Variants in NDRG3 observed in about 807,000 individuals in gnomAD.
NDRG3 encodes NDRG family member 3, also known as protein NDRG3.
A neutral mutation model predicts 57.2 loss-of-function variants in NDRG3; 23 were observed. The observed-to-expected ratio is 0.40, with a 90% CI of 0.29 to 0.57. NDRG3 has a LOEUF of 0.57. NDRG3 is among the 20% of genes least tolerant of loss of function. The pLI is 0.42. For missense variants in NDRG3, 384 were observed against 457.3 expected, an observed-to-expected ratio of 0.84 and a Z score of 1.46; for synonymous variants, 132 against 162.6, an observed-to-expected ratio of 0.81 and a Z score of 1.43.
At chr20:36,684,385 T>C (rs1555800288) in intron 6 of NDRG3, 28 bp downstream of exon 6, 1 of 1,588,402 alleles carries the variant, frequency 6.3e-7, no homozygotes, top group Non-Finnish European at 8.6e-7. Flanking sequence ...CAATAAAAAC[T>C]GCATGAAAGA....
At chr20:36,658,423 A>T (rs762267166) in intron 13 of NDRG3, among the ~76,000 whole-genome samples, 1 of 152,092 alleles carries the variant, frequency 6.6e-6, no homozygotes, top group Non-Finnish European at 1.5e-5. Flanking sequence ...CCCTCCCCAA[A>T]ATTTTTAGAC....
At chr20:36,738,779 T>C (rs1985746663) in intron 1 of NDRG3, among the ~76,000 whole-genome samples, 2 of 139,050 alleles carry the variant, frequency 1.4e-5, no homozygotes, top group South Asian at 2.3e-4. Context: ...ACTGAGATCA[T>C]GCCACTGCAC....
At chr20:36,745,961 C>A in intron 1 of NDRG3, 84 bp downstream of exon 1, 1 of 273,386 alleles carries the variant, frequency 3.7e-6, no homozygotes, top group South Asian at 1.5e-4. Flanking sequence ...GGAGATGATG[C>A]GGGGAAGGAG....
At chr20:36,671,091 C>G (rs1302177924) in intron 9 of NDRG3, among the ~76,000 whole-genome samples, 1 of 152,202 alleles carries the variant, frequency 6.6e-6, no homozygotes, top group Non-Finnish European at 1.5e-5. Flanking sequence ...CAAACATTAA[C>G]AGATGGCATT....
At chr20:36,680,571 A>G (rs1268095400) in intron 8 of NDRG3, among the ~76,000 whole-genome samples, 1 of 152,214 alleles carries the variant, frequency 6.6e-6, no homozygotes, top group East Asian at 1.9e-4. Context: ...TCTGGTAACA[A>G]CAGTCAGAAC....
intron 4 of NDRG3, 136 bp downstream of exon 4, chr20:36,688,543 G>T: frequency 1.5e-6 from 1 of 655,898 alleles, no homozygotes; most frequent in Non-Finnish European, 2.7e-6. Flanking sequence ...TACCATTAAC[G>T]AATGTAGGAA....
intron 2 of NDRG3, among the ~76,000 whole-genome samples, chr20:36,715,169 A>G (rs1209730566): frequency 6.6e-6 from 1 of 151,164 alleles, no homozygotes; most frequent in Non-Finnish European, 1.5e-5. Flanking sequence ...CAATCAGATA[A>G]TCCTCTGCAG....
rs947107436 is a variant in NDRG3, at chr20:36,677,855, G to A, written c.531+2961C>T. 3.9e-5 allele frequency among the ~76,000 whole-genome samples: 6 copies of A among 152,290 alleles called. No homozygotes were observed. The East Asian group carries it at 1.2e-3, about 29-fold the overall frequency. On this transcript the variant is annotated intron_variant, in intron 8 of 15. Coordinates refer to ENST00000349004, the MANE Select transcript of NDRG3 (RefSeq NM_032013.4). Reference sequence around the variant, plus strand: ...GGACAGGAACTCAGGCAAAGGTGCTGTGGCCACAGAAGTTTCTGGCTAGAC... The same window carrying A: ...GGACAGGAACTCAGGCAAAGGTGCTATGGCCACAGAAGTTTCTGGCTAGAC...
At chr20:36,707,131 G>C (rs1306746906) in intron 2 of NDRG3, 124 bp from the exon 3 acceptor site, 2 of 835,236 alleles carry the variant, frequency 2.4e-6, no homozygotes, top group Admixed American at 4.0e-5. Context: ...AACTGAAATA[G>C]TTCTCATCAG....
intron 4 of NDRG3, among the ~76,000 whole-genome samples, chr20:36,688,111 C>T (rs1242801710): frequency 6.6e-6 from 1 of 152,252 alleles, no homozygotes; most frequent in Non-Finnish European, 1.5e-5. Context: ...AATCACTTCT[C>T]ATGCCAAGGC....
chr20:36,733,172 ATATATATATATATATAT>A (rs1214975113), intron 1 of NDRG3, among the ~76,000 whole-genome samples: 1 of 11,520 alleles, frequency 8.7e-5, no homozygotes, highest in Non-Finnish European at 2.7e-4. Context: ...AAAAAAAAAA[ATATATATATATATATAT>A]ATATATATAT....
At chr20:36,714,869 TC>T (rs1944063404) in intron 2 of NDRG3, among the ~76,000 whole-genome samples, 1 of 151,212 alleles carries the variant, frequency 6.6e-6, no homozygotes. Context: ...TGCCTTGGCT[TC>T]CCAAAGTGCT....
intron 8 of NDRG3, among the ~76,000 whole-genome samples, chr20:36,677,179 G>A (rs537144177): frequency 2.6e-4 from 39 of 152,280 alleles, no homozygotes; most frequent in African/African-American, 8.9e-4. Flanking sequence ...AGCTGCAGCC[G>A]CCCTCCCAGG....
intron 3 of NDRG3, among the ~76,000 whole-genome samples, chr20:36,693,856 T>C (rs1982549557): frequency 6.6e-6 from 1 of 151,940 alleles, no homozygotes; most frequent in African/African-American, 2.4e-5. Context: ...TTTCATTATA[T>C]ATTACAATGT....
chr20:36,684,699 A>G (rs1348645077), intron 5 of NDRG3, among the ~76,000 whole-genome samples: 3 of 152,026 alleles, frequency 2.0e-5, no homozygotes, highest in Non-Finnish European at 4.4e-5. Context: ...AAAATACAAA[A>G]TTAGCTGGGT....
At chr20:36,694,407 T>C (rs1319192385) in intron 3 of NDRG3, among the ~76,000 whole-genome samples, 2 of 152,248 alleles carry the variant, frequency 1.3e-5, no homozygotes, top group African/African-American at 4.8e-5. Context: ...CTTGAATAAC[T>C]GGAACCCTTC....
intron 13 of NDRG3, among the ~76,000 whole-genome samples, chr20:36,660,116 G>A (rs1979033580): frequency 6.6e-6 from 1 of 151,906 alleles, no homozygotes; most frequent in Non-Finnish European, 1.5e-5. Context: ...GCTGACGCAG[G>A]AGAATTGCTT....
At chr20:36,701,434 A>T (rs768999266) in intron 3 of NDRG3, among the ~76,000 whole-genome samples, 10 of 151,746 alleles carry the variant, frequency 6.6e-5, no homozygotes, top group Admixed American at 1.3e-4. Context: ...AGTCCCAGCT[A>T]CTCAGGAGGC....
At chr20:36,655,460 G>A (rs1978571573) in intron 15 of NDRG3, among the ~76,000 whole-genome samples, 2 of 152,200 alleles carry the variant, frequency 1.3e-5, no homozygotes, top group South Asian at 4.1e-4. Flanking sequence ...AAGCTCAGAG[G>A]TCTTACAATA....
Sources: allele counts gnomAD v4.1 joint callset (sites outside exome capture counted in the v4.1 genomes callset), GRCh38; gene constraint gnomAD v4.1.1; transcripts MANE v1.5; gene names NCBI Gene and HGNC (gene_info 2026-07-23, HGNC 2026-07-21).